The following STARD13 variants were observed in gnomAD, a reference collection of about 807,000 sequenced individuals.
STARD13 encodes stAR-related lipid transfer protein 13.
In STARD13, 62 loss-of-function variants were observed where a neutral mutation model predicts 106.4. That is an observed-to-expected ratio of 0.58 (90% CI 0.48 to 0.72). STARD13 has a LOEUF of 0.72. Among genes scored for constraint, STARD13 ranks in the 30% least tolerant of loss-of-function variants. The pLI is 0.00. For synonymous variants in STARD13, 565 were observed against 553.0 expected, an observed-to-expected ratio of 1.02 and a Z score of -0.31; for missense variants, 1,387 against 1,424.0, an observed-to-expected ratio of 0.97 and a Z score of 0.42.
At chr13:33,139,002 T>C in intron 4 of STARD13, 1 of 344,364 alleles carries the variant, frequency 2.9e-6, no homozygotes. Context: ...CATCATCACC[T>C]ATTTGTGGAC....
upstream of STARD13, among the ~76,000 whole-genome samples, chr13:33,287,844 G>A (rs1239090241): frequency 1.3e-5 from 2 of 152,102 alleles, no homozygotes; most frequent in Non-Finnish European, 2.9e-5. Context: ...GAGAGAGAAA[G>A]AAGAGGGGAG....
chr13:33,676,168 C>T, the STARD13 span, among the ~76,000 whole-genome samples: 3 of 152,198 alleles, frequency 2.0e-5, no homozygotes, highest in Admixed American at 6.5e-5. Flanking sequence ...TCACATCTTA[C>T]AGAGCAGTGC....
At chr13:33,579,615 T>G in the STARD13 span, among the ~76,000 whole-genome samples, 1 of 150,620 alleles carries the variant, frequency 6.6e-6, no homozygotes, top group East Asian at 1.9e-4. Context: ...CCACTTGTAC[T>G]CAAAAAGCTA....
the STARD13 span, among the ~76,000 whole-genome samples, chr13:33,558,787 A>G: frequency 1.3e-5 from 2 of 151,608 alleles, no homozygotes; most frequent in African/African-American, 4.9e-5. Flanking sequence ...TGACAAATAT[A>G]ATAAAATGAT....
the STARD13 span, among the ~76,000 whole-genome samples, chr13:33,535,322 T>A: frequency 6.6e-6 from 1 of 152,190 alleles, no homozygotes; most frequent in Non-Finnish European, 1.5e-5. Flanking sequence ...ACTGGAAATT[T>A]TAGCCCCAAG....
the STARD13 span, among the ~76,000 whole-genome samples, chr13:33,472,545 T>C: frequency 2.0e-5 from 3 of 152,048 alleles, no homozygotes; most frequent in Non-Finnish European, 2.9e-5. Context: ...AGTTGTCACA[T>C]GTCAAAATAT....
At chr13:33,255,319 T>A (rs1261366785) in intron 1 of STARD13, among the ~76,000 whole-genome samples, 1 of 152,152 alleles carries the variant, frequency 6.6e-6, no homozygotes, top group East Asian at 1.9e-4. Flanking sequence ...AAGAGATGGA[T>A]AAATCCTCAC....
chr13:33,241,066 TTATTAAGATTG>T lies in STARD13; in HGVS notation c.169+44393_169+44403del, dbSNP rs1289215774. On this transcript the variant is annotated intron_variant, in intron 1 of 13. Coordinates refer to ENST00000336934, the MANE Select transcript of STARD13 (RefSeq NM_178006.4). Reference sequence around the variant, plus strand: ...GTTGGATATCTTGTGTAGGGTGCCATTATTAAGATTGTATTATAAATGAGTAAACTGTGTTC... The same window carrying T: ...GTTGGATATCTTGTGTAGGGTGCCATTATTATAAATGAGTAAACTGTGTTC... 3.3e-5 allele frequency among the ~76,000 whole-genome samples: 5 copies of T among 152,330 alleles called. No homozygotes were observed. The East Asian group carries it at 9.6e-4, about 29-fold the overall frequency.
At chr13:33,358,718 C>G in the STARD13 span, among the ~76,000 whole-genome samples, 1 of 152,096 alleles carries the variant, frequency 6.6e-6, no homozygotes, top group Admixed American at 6.5e-5. Flanking sequence ...TGTGAGTGCA[C>G]CAATCGACAC....
chr13:33,300,332 T>C (rs1201923621), intron 1 of STARD13, among the ~76,000 whole-genome samples: 1 of 152,192 alleles, frequency 6.6e-6, no homozygotes, highest in East Asian at 1.9e-4. Flanking sequence ...TTGAAGCAAG[T>C]TCAAAGTATA....
chr13:33,515,247 G>T, the STARD13 span, among the ~76,000 whole-genome samples: 1 of 152,158 alleles, frequency 6.6e-6, no homozygotes, highest in Non-Finnish European at 1.5e-5. Flanking sequence ...ATAATTACAT[G>T]GAGTATTGCG....
intron 1 of STARD13, among the ~76,000 whole-genome samples, chr13:33,267,080 G>C (rs1454957667): frequency 1.3e-5 from 2 of 152,152 alleles, no homozygotes; most frequent in African/African-American, 4.8e-5. Context: ...AATCCTTCCA[G>C]GTGGAACACA....
the STARD13 span, among the ~76,000 whole-genome samples, chr13:33,580,943 T>G: frequency 6.6e-6 from 1 of 152,188 alleles, no homozygotes; most frequent in Non-Finnish European, 1.5e-5. Context: ...ATTTAGAATA[T>G]TCTTACAAAA....
At chr13:33,456,088 T>C in the STARD13 span, among the ~76,000 whole-genome samples, 16 of 152,368 alleles carry the variant, frequency 1.1e-4, no homozygotes, top group East Asian at 2.7e-3. Context: ...CATTTGTTTA[T>C]ATATTGTCTA....
chr13:33,638,010 A>T, the STARD13 span, among the ~76,000 whole-genome samples: 1 of 152,210 alleles, frequency 6.6e-6, no homozygotes, highest in African/African-American at 2.4e-5. Context: ...TAGTCACTTG[A>T]TTTGCTTCAG....
At chr13:33,234,885 T>C (rs866516076) in intron 1 of STARD13, among the ~76,000 whole-genome samples, 3 of 152,226 alleles carry the variant, frequency 2.0e-5, no homozygotes, top group Admixed American at 1.3e-4. Flanking sequence ...TTCTTCCATA[T>C]CCAGTTCTTC....
the STARD13 span, among the ~76,000 whole-genome samples, chr13:33,440,767 A>AT: frequency 0.23 from 13,715 of 60,070 alleles, 2,828 homozygotes; most frequent in Non-Finnish European, 0.3. Flanking sequence ...GAAAACAGCG[A>AT]TTTTTTTTTT....
At chr13:33,676,231 G>C in the STARD13 span, among the ~76,000 whole-genome samples, 4 of 152,282 alleles carry the variant, frequency 2.6e-5, no homozygotes, top group East Asian at 7.7e-4. Flanking sequence ...AAGCAAGCAG[G>C]AAGCGACATT....
chr13:33,154,387 G>A (rs1246138255), intron 3 of STARD13, among the ~76,000 whole-genome samples: 2 of 152,168 alleles, frequency 1.3e-5, no homozygotes, highest in Non-Finnish European at 2.9e-5. Context: ...TTGAGGTGTG[G>A]AAGAAAAGCA....
Sources: gnomAD v4.1 joint callset for allele counts (sites outside exome capture counted in the v4.1 genomes callset) on GRCh38, gnomAD v4.1.1 for gene constraint, MANE v1.5 for transcripts, NCBI Gene and HGNC (gene_info 2026-07-23, HGNC 2026-07-21) for gene names.